Variants in ATP8B4 observed in about 807,000 individuals in gnomAD.
The protein encoded by ATP8B4 is probable phospholipid-transporting ATPase IM.
Under a neutral mutation model 145.6 loss-of-function variants are expected in ATP8B4, and 133 were observed. That is an observed-to-expected ratio of 0.91 (90% confidence interval 0.79 to 1.05). The LOEUF (loss-of-function observed/expected upper bound fraction) is 1.05, where lower values mean the gene tolerates loss of function less well. Among genes scored for constraint, ATP8B4 ranks in the 50% least tolerant of loss-of-function variants. The pLI is 0.00. For missense variants in ATP8B4, 1,458 were observed against 1,425.2 expected, an observed-to-expected ratio of 1.02 and a Z score of -0.37; for synonymous variants, 507 against 492.9, an observed-to-expected ratio of 1.03 and a Z score of -0.38.
intron 20 of ATP8B4, chr15:49,902,264 G>A (rs532783670): frequency 6.6e-6 from 1 of 152,290 alleles, no homozygotes; most frequent in Admixed American, 6.5e-5. Context: ...TGAATATTGT[G>A]TCTTTTGGCG....
chr15:50,040,117 C>T (rs937331787), intron 5 of ATP8B4, among the ~76,000 whole-genome samples: 1 of 152,214 alleles, frequency 6.6e-6, no homozygotes, highest in Non-Finnish European at 1.5e-5. Context: ...CTCCACTCTG[C>T]CCTGTGCCAT....
At chr15:50,135,629 G>GTCTCATT (rs1401868804) in intron 1 of ATP8B4, among the ~76,000 whole-genome samples, 1 of 152,144 alleles carries the variant, frequency 6.6e-6, no homozygotes, top group Non-Finnish European at 1.5e-5. Flanking sequence ...ACTTTACCTG[G>GTCTCATT]TGGCACAATA....
chr15:49,962,117 C>T (rs574672061), intron 13 of ATP8B4, 97 bp from the exon 14 acceptor site: 57 of 884,614 alleles, frequency 6.4e-5, no homozygotes, highest in Admixed American at 5.3e-4. Context: ...ATTACATCAC[C>T]ATTACTAAAT....
chr15:50,120,498 T>C (rs573722652), upstream of ATP8B4, among the ~76,000 whole-genome samples: 12 of 152,318 alleles, frequency 7.9e-5, no homozygotes, highest in East Asian at 2.3e-3. Context: ...AAAGAAGATA[T>C]AAGGAAATCA....
chr15:49,979,739 GT>G lies in ATP8B4; in HGVS notation c.911del (p.Asp304AlafsTer22). The G allele has an allele frequency of 1.2e-6, 2 of 1,611,002 alleles. No homozygotes were observed. Among genetic ancestry groups the G allele is most frequent in the Non-Finnish European group, 1.7e-6 (2 of 1,177,782 alleles). ...TCCAAAAGAGGAAAGTTCTGAATTG[GT>G]CCCCAGTTTGACTCTCCCAGATTGA... is the stretch of plus-strand genomic sequence containing the variant. ...GNSIWESQTG[D>X]QFRTFLFWNE... On this transcript the variant is annotated frameshift_variant, in exon 12 of 28. Transcript: ENST00000284509. LOFTEE classifies it high-confidence loss of function.
Position 50,073,007 on chromosome 15 carries a change from TATATATATATATACACACAC to T in ATP8B4, c.87+1100_87+1119del, listed in dbSNP as rs1340537174. Among the ~76,000 whole-genome samples the T allele has an allele frequency of 1.7e-3, 94 of 55,448 alleles. 3 individuals are homozygous for T. The highest frequency in any genetic ancestry group is 6.5e-3 in the African/African-American group (67 of 10,334). 36.4% of individuals were successfully genotyped at this position (55,448 alleles called of 152,430 possible). A position where few individuals can be genotyped will look rare whatever the true frequency, so the allele number is the denominator to read the frequency against. On this transcript the variant is annotated intron_variant, in intron 3 of 27. Transcript: ENST00000284509. Reference sequence around the variant, plus strand: ...ATATATATATATATATATATATATATATATATATATATACACACACACACACACACACACACACACACACA... The same window carrying T: ...ATATATATATATATATATATATATATACACACACACACACACACACACACA...
At chr15:50,147,470 A>G in intron 1 of ATP8B4, among the ~76,000 whole-genome samples, 1 of 151,962 alleles carries the variant, frequency 6.6e-6, no homozygotes, top group East Asian at 1.9e-4. Context: ...GTCCATTGAA[A>G]GAGCCTAGAA....
rs1484729981 is a variant in ATP8B4, at chr15:49,860,363, C to T, written c.3410G>A (p.Gly1137Asp). 2 of 1,614,016 alleles carry T rather than the reference C, an allele frequency of 1.2e-6. No homozygotes were observed. Among genetic ancestry groups the T allele is most frequent in the Non-Finnish European group, 1.7e-6 (2 of 1,180,010 alleles). The change falls in exon 28 of 28, where the codon GGC becomes GAC. Residue 1137 changes from glycine (G) to aspartate (D), a missense_variant. Coordinates refer to ENST00000284509, the MANE Select transcript of ATP8B4 (RefSeq NM_024837.4). Reference sequence around the variant, plus strand: ...TCCAGATGTGATAAGCTCTCCATAGCCTTCTTGGTGAGCAAAAGCATATCC... The same window carrying T: ...TCCAGATGTGATAAGCTCTCCATAGTCTTCTTGGTGAGCAAAAGCATATCC... ...RSGYAFAHQE[G>D]YGELITSGKN...
At position 49,878,563 on chromosome 15, in the gene ATP8B4, C is replaced by G. The variant is rs146777618; in HGVS notation, c.2781+813G>C. ...AAAGTCTTTTTAAAAATAAGACACT[C>G]TAATTGTGCCACGGAAATTCCACTG... On this transcript the variant is annotated intron_variant, in intron 24 of 27. Coordinates refer to ENST00000284509, the MANE Select transcript of ATP8B4 (RefSeq NM_024837.4). Among the ~76,000 whole-genome samples, 5 of 152,316 alleles carry G rather than the reference C, an allele frequency of 3.3e-5. No homozygotes were observed. In the East Asian group the frequency reaches 7.7e-4, roughly 23 times the overall value.
intron 23 of ATP8B4, 192 bp from the exon 24 acceptor site, chr15:49,879,651 G>A (rs570830919): frequency 4.3e-5 from 23 of 534,486 alleles, no homozygotes; most frequent in South Asian, 7.7e-5. Flanking sequence ...CTCTCTAAAC[G>A]GCAGTTTCTT....
chr15:50,172,181 CT>C (rs796607056), intron 1 of ATP8B4, among the ~76,000 whole-genome samples: 3 of 152,366 alleles, frequency 2.0e-5, no homozygotes, highest in African/African-American at 7.2e-5. Context: ...CACAGTCTCC[CT>C]CTGATGCCGA....
intron 2 of ATP8B4, among the ~76,000 whole-genome samples, chr15:50,087,343 T>TAC (rs2055271840): frequency 3.8e-5 from 1 of 26,642 alleles, no homozygotes; most frequent in African/African-American, 4.8e-4. Context: ...ATATATAATA[T>TAC]AGATCTATAT....
chr15:49,926,244 C>T (rs1170959008), intron 16 of ATP8B4, among the ~76,000 whole-genome samples: 1 of 152,052 alleles, frequency 6.6e-6, no homozygotes, highest in Non-Finnish European at 1.5e-5. Flanking sequence ...GGACATATTA[C>T]CCTCCTCCAA....
At chr15:50,019,453 C>T (rs2049354949) in intron 6 of ATP8B4, among the ~76,000 whole-genome samples, 1 of 152,214 alleles carries the variant, frequency 6.6e-6, no homozygotes, top group Admixed American at 6.5e-5. Context: ...TCTTTCATGA[C>T]ATTTTTTACT....
rs1401454222 is a variant in ATP8B4 at position 49,879,395 on chromosome 15, G to A, written c.2762C>T (p.Ala921Val). Residue 921 changes from alanine to valine, a missense_variant, in exon 24 of 28, where the codon GCC (alanine) becomes GTC (valine). By Grantham distance (64) the Ala-to-Val change is moderately conservative. Coordinates refer to ENST00000284509, the MANE Select transcript of ATP8B4 (RefSeq NM_024837.4). ...ACATACCTGGTCAAAAATCCCCATG[G>A]CTAAAACAGGCAGTGATGTGTAAAC... ...NIVYTSLPVL[A>V]MGIFDQDVSD... 31 of 1,612,184 alleles carry A rather than the reference G, an allele frequency of 1.9e-5. No individual in the cohort carries two copies. Among genetic ancestry groups the A allele is most frequent in the Non-Finnish European group, 2.6e-5 (31 of 1,178,972 alleles).
chr15:50,071,107 C>G (rs2053704736), intron 3 of ATP8B4, among the ~76,000 whole-genome samples: 1 of 152,322 alleles, frequency 6.6e-6, no homozygotes, highest in African/African-American at 2.4e-5. Context: ...ACAGGATATT[C>G]CTCTACTGCC....
In ATP8B4 at chr15:50,130,039, G is replaced by A. The variant is rs2057335515; in HGVS notation, c.-42-23031C>T. 2.6e-5 allele frequency among the ~76,000 whole-genome samples: 4 copies of A among 151,942 alleles called. No homozygotes were observed. The South Asian group carries it at 8.3e-4, about 32-fold the overall frequency. On this transcript the variant is annotated intron_variant, in intron 1 of 3. Coordinates refer to the ATP8B4 transcript ENST00000558829. ...TTCATTTGCTATAAAGAGATCTAGAGGTCTCCACCACTTGGCCAGACTAGA... is the reference window on the plus strand; with the variant it reads ...TTCATTTGCTATAAAGAGATCTAGAAGTCTCCACCACTTGGCCAGACTAGA...
intron 1 of ATP8B4, among the ~76,000 whole-genome samples, chr15:50,116,277 T>C (rs1456825189): frequency 1.3e-5 from 2 of 151,966 alleles, no homozygotes; most frequent in South Asian, 2.1e-4. Context: ...ATAAAATAAA[T>C]GGTCTGTGTG....
intron 1 of ATP8B4, among the ~76,000 whole-genome samples, chr15:50,181,846 T>C (rs2044851428): frequency 6.6e-6 from 1 of 152,240 alleles, no homozygotes; most frequent in African/African-American, 2.4e-5. Flanking sequence ...ATAATAGGAC[T>C]GTCTGACATT....
Sources: gnomAD v4.1 joint callset for allele counts (sites outside exome capture counted in the v4.1 genomes callset) on GRCh38, gnomAD v4.1.1 for gene constraint, MANE v1.5 for transcripts, NCBI Gene and HGNC (gene_info 2026-07-23, HGNC 2026-07-21) for gene names.